The following WDPCP variants were observed in gnomAD, a reference collection of about 807,000 sequenced individuals.
WDPCP encodes WD repeat containing planar cell polarity effector.
Under a neutral mutation model 93.1 loss-of-function variants are expected in WDPCP, and 71 were observed. The observed-to-expected ratio is 0.76, with a 90% CI of 0.63 to 0.93. WDPCP has a LOEUF of 0.93. Ranked by LOEUF, WDPCP falls within the 40% of genes least tolerant of loss-of-function variation. WDPCP has a pLI of 0.00. For missense variants in WDPCP, 844 were observed against 887.4 expected, an observed-to-expected ratio of 0.95 and a Z score of 0.62; for synonymous variants, 315 against 315.0, an observed-to-expected ratio of 1.00 and a Z score of 0.00.
In WDPCP at chr2:63,310,358, A is replaced by G. The variant is rs78685170; in HGVS notation, c.1812+2890T>C. Reference sequence around the variant, plus strand: ...GCTGGACCTGAGGAAATGGGCCTGAAAGAACCCACCTCTTTGTTTACTTCA... The same window carrying G: ...GCTGGACCTGAGGAAATGGGCCTGAGAGAACCCACCTCTTTGTTTACTTCA... On this transcript the variant is annotated intron_variant, in intron 13 of 17. Coordinates refer to ENST00000272321, the MANE Select transcript of WDPCP (RefSeq NM_015910.7). 7.7e-3 allele frequency among the ~76,000 whole-genome samples: 1,171 copies of G among 152,278 alleles called. 17 individuals are homozygous for G. Among genetic ancestry groups the G allele is most frequent in the African/African-American group, 0.027 (1,142 of 41,566 alleles).
chr2:63,205,372 T>G (rs1239557434), intron 14 of WDPCP, among the ~76,000 whole-genome samples: 1 of 152,202 alleles, frequency 6.6e-6, no homozygotes, highest in South Asian at 2.1e-4. Context: ...AGGATGTCAG[T>G]GGTATTTTGA....
intron 14 of WDPCP, among the ~76,000 whole-genome samples, chr2:63,182,134 CT>C (rs796707018): frequency 7.2e-5 from 11 of 152,054 alleles, no homozygotes; most frequent in African/African-American, 2.6e-4. Context: ...ATTTGGATGC[CT>C]TTTATTTCTT....
intron 10 of WDPCP, among the ~76,000 whole-genome samples, chr2:63,392,948 A>G (rs1693405051): frequency 6.6e-6 from 1 of 152,238 alleles, no homozygotes; most frequent in African/African-American, 2.4e-5. Flanking sequence ...TGGGACTGTA[A>G]ACTGGTTCAA....
At chr2:63,647,194 A>G (rs1053931541) in intron 3 of WDPCP, among the ~76,000 whole-genome samples, 2 of 152,044 alleles carry the variant, frequency 1.3e-5, no homozygotes, top group Non-Finnish European at 2.9e-5. Context: ...CTGGAGTGCA[A>G]TGGTGCAGTC....
intron 2 of WDPCP, among the ~76,000 whole-genome samples, chr2:63,653,569 A>G (rs1030398531): frequency 7.2e-5 from 11 of 152,218 alleles, no homozygotes; most frequent in African/African-American, 2.7e-4. Flanking sequence ...AAGGAATACA[A>G]AAATATCCAG....
At chr2:63,174,588 T>A in intron 15 of WDPCP, 82 bp downstream of exon 15, 1 of 1,572,042 alleles carries the variant, frequency 6.4e-7, no homozygotes, top group South Asian at 1.1e-5. Context: ...TTTGAAATAT[T>A]CTTGCTTTGC....
At chr2:63,255,199 T>C (rs939699151) in intron 14 of WDPCP, among the ~76,000 whole-genome samples, 1 of 152,286 alleles carries the variant, frequency 6.6e-6, no homozygotes, top group South Asian at 2.1e-4. Context: ...TATTGAAAGC[T>C]TTCCCTAAGA....
chr2:63,786,091 G>C (rs546201229), intron 2 of WDPCP, among the ~76,000 whole-genome samples: 1 of 152,126 alleles, frequency 6.6e-6, no homozygotes, highest in Non-Finnish European at 1.5e-5. Flanking sequence ...CTAGGCTGGA[G>C]TGCAGTGGCG....
chr2:63,731,267 C>CAA (rs532671655), intron 2 of WDPCP, among the ~76,000 whole-genome samples: 5 of 59,816 alleles, frequency 8.4e-5, no homozygotes, highest in South Asian at 5.5e-4. Context: ...GAATCCGTCT[C>CAA]AAAAAAAAAA....
chr2:63,224,177 A>G (rs2104504569), intron 14 of WDPCP, among the ~76,000 whole-genome samples: 1 of 152,212 alleles, frequency 6.6e-6, no homozygotes. Context: ...TGCAATTTTC[A>G]ATAATGAAAA....
intron 2 of WDPCP, among the ~76,000 whole-genome samples, chr2:63,761,409 C>T (rs968683063): frequency 6.6e-6 from 1 of 151,996 alleles, no homozygotes; most frequent in Non-Finnish European, 1.5e-5. Context: ...GTTATAGCAA[C>T]AAAAAATGGA....
chr2:63,237,462 A>G (rs1309925369), intron 14 of WDPCP, among the ~76,000 whole-genome samples: 1 of 152,188 alleles, frequency 6.6e-6, no homozygotes, highest in East Asian at 1.9e-4. Flanking sequence ...AATTACATCC[A>G]GTAATCCCAC....
At chr2:63,779,875 G>T (rs1452319173) in intron 2 of WDPCP, among the ~76,000 whole-genome samples, 2 of 152,126 alleles carry the variant, frequency 1.3e-5, no homozygotes, top group Admixed American at 6.6e-5. Context: ...CTAGTTTTGT[G>T]ATACATAAGA....
chr2:63,361,889 T>C (rs1690486035), intron 12 of WDPCP, among the ~76,000 whole-genome samples: 1 of 152,138 alleles, frequency 6.6e-6, no homozygotes, highest in African/African-American at 2.4e-5. Flanking sequence ...ACCTAAAAAT[T>C]TGGGGTTGAG....
Position 63,803,882 on chromosome 2 carries a change from C to G in WDPCP, n.308+9740G>C, listed in dbSNP as rs1344951432. Among the ~76,000 whole-genome samples the G allele has an allele frequency of 2.6e-5, 4 of 152,278 alleles. 1 individual carries two copies. The highest frequency in any genetic ancestry group is 5.9e-5 in the Non-Finnish European group (4 of 68,012). ...TTCAGTGTTTAGTTTTAGATATGTA[C>G]TTAACATTACTGACAATTAAATGCC... On this transcript the variant is annotated intron_variant and non_coding_transcript_variant, in intron 2 of 4. Coordinates refer to the WDPCP transcript ENST00000467687.
intron 6 of WDPCP, among the ~76,000 whole-genome samples, chr2:63,483,027 G>T (rs865916349): frequency 6.6e-6 from 1 of 151,700 alleles, no homozygotes; most frequent in African/African-American, 2.4e-5. Flanking sequence ...ACATCCCTTC[G>T]TCAGACACAC....
chr2:63,313,886 A>ATATATATATAT, intron 12 of WDPCP, among the ~76,000 whole-genome samples: 53 of 74,452 alleles, frequency 7.1e-4, no homozygotes, highest in Non-Finnish European at 1.2e-3. Context: ...ATATATATAT[A>ATATATATATAT]TTTTTTTTTT....
chr2:63,124,817 T>A (rs1338259546), intron 17 of WDPCP, among the ~76,000 whole-genome samples: 1 of 152,178 alleles, frequency 6.6e-6, no homozygotes, highest in South Asian at 2.1e-4. Context: ...TTGTCCAAAG[T>A]CAGTTAGTGG....
At chr2:63,723,159 G>T (rs866406163) in intron 2 of WDPCP, among the ~76,000 whole-genome samples, 1 of 151,686 alleles carries the variant, frequency 6.6e-6, no homozygotes, top group African/African-American at 2.4e-5. Flanking sequence ...GAAGGCCGCA[G>T]GGTCCTCTGC....
Sources: gnomAD v4.1 joint callset for allele counts (sites outside exome capture counted in the v4.1 genomes callset) on GRCh38, gnomAD v4.1.1 for gene constraint, MANE v1.5 for transcripts, NCBI Gene and HGNC (gene_info 2026-07-23, HGNC 2026-07-21) for gene names.